Variants in TBC1D8 observed in about 807,000 individuals in gnomAD.
TBC1D8 encodes the protein BUB2-like protein 1.
A neutral mutation model predicts 118.8 loss-of-function variants in TBC1D8; 65 were observed. The ratio of observed to expected loss-of-function variants is 0.55; its 90% confidence interval spans 0.45 to 0.67. The LOEUF is 0.67. Ranked by LOEUF, TBC1D8 falls within the 30% of genes least tolerant of loss-of-function variation. TBC1D8 has a pLI of 0.00. For missense variants in TBC1D8, 1,376 were observed against 1,471.2 expected (o/e 0.94, Z 1.06); for synonymous variants, 566 against 595.8 (o/e 0.95, Z 0.73).
chr2:101,145,788 G>A (rs1000919971), intron 1 of TBC1D8, among the ~76,000 whole-genome samples: 1 of 152,202 alleles, frequency 6.6e-6, no homozygotes, highest in Non-Finnish European at 1.5e-5. Context: ...GTGGTGAGAG[G>A]AGCCGTGTGC....
intron 1 of TBC1D8, among the ~76,000 whole-genome samples, chr2:101,119,592 T>C (rs1255673326): frequency 6.6e-6 from 1 of 152,184 alleles, no homozygotes; most frequent in Non-Finnish European, 1.5e-5. Context: ...GAGTCTGATG[T>C]CATTGGTTTG....
chr2:101,033,146 C>G lies in TBC1D8; in HGVS notation c.1818+398G>C, dbSNP rs1262086503. Among the ~76,000 whole-genome samples, 11 of 148,508 alleles carry G rather than the reference C, an allele frequency of 7.4e-5. No individual in the cohort carries two copies. The East Asian group carries it at 2.0e-3, about 26-fold the overall frequency. Reference sequence around the variant, plus strand: ...AATTTTTTTTTTTTTGAGACAGAGTCTCGCTCTGTTGCCAGGCTGGAATGC... The same window carrying G: ...AATTTTTTTTTTTTTGAGACAGAGTGTCGCTCTGTTGCCAGGCTGGAATGC... On this transcript the variant is annotated intron_variant, in intron 10 of 19. Transcript: ENST00000409318.
At chr2:101,088,728 G>A (rs1243678472) in intron 2 of TBC1D8, among the ~76,000 whole-genome samples, 9 of 151,868 alleles carry the variant, frequency 5.9e-5, no homozygotes, top group African/African-American at 1.2e-4. Flanking sequence ...ACACCACCAC[G>A]CCCAGCTAAT....
intron 2 of TBC1D8, among the ~76,000 whole-genome samples, chr2:101,084,915 C>T (rs1444933087): frequency 1.4e-5 from 2 of 146,966 alleles, no homozygotes; most frequent in African/African-American, 5.1e-5. Context: ...GTGGCTCGAT[C>T]TCCGCTCACT....
At chr2:101,019,239 G>A in intron 17 of TBC1D8, 1 of 491,130 alleles carries the variant, frequency 2.0e-6, no homozygotes, top group South Asian at 4.5e-5. Flanking sequence ...CGACAGGCAA[G>A]TAATAAGACT....
intron 6 of TBC1D8, 150 bp from the exon 7 acceptor site, chr2:101,038,805 C>T: frequency 1.1e-6 from 1 of 878,896 alleles, no homozygotes; most frequent in Non-Finnish European, 1.8e-6. Flanking sequence ...CTGCTCACCC[C>T]CACCACAAGG....
intron 2 of TBC1D8, among the ~76,000 whole-genome samples, chr2:101,080,395 C>T (rs963668242): frequency 3.3e-5 from 5 of 152,086 alleles, no homozygotes; most frequent in Non-Finnish European, 2.9e-5. Flanking sequence ...TCCTTCGCTA[C>T]CCTGGTACAA....
rs557482855 is a variant in TBC1D8, at chr2:101,023,432, C to T, written c.2521-911G>A. On this transcript the variant is annotated intron_variant, in intron 15 of 19. Transcript: ENST00000409318. ...AAGTGCTGGGATTATAGGCATGAGC[C>T]ACTGCGACTGGCCCAAAATCATATT... 6.2e-4 allele frequency among the ~76,000 whole-genome samples: 94 copies of T among 152,152 alleles called. 1 individual carries two copies. The highest frequency in any genetic ancestry group is 2.2e-3 in the African/African-American group (92 of 41,522).
At chr2:101,118,525 T>C (rs553573082) in intron 1 of TBC1D8, among the ~76,000 whole-genome samples, 1 of 150,646 alleles carries the variant, frequency 6.6e-6, no homozygotes, top group South Asian at 2.1e-4. Flanking sequence ...TGAAACCCTG[T>C]CTCTACTAAA....
At chr2:101,054,672 C>CTTTTTTTTGTTTTTTTTTTTTTTTT (rs1682299718) in intron 3 of TBC1D8, among the ~76,000 whole-genome samples, 1 of 25,436 alleles carries the variant, frequency 3.9e-5, no homozygotes, top group East Asian at 1.5e-3. Flanking sequence ...CTTTTCTTTT[C>CTTTTTTTTGTTTTTTTTTTTTTTTT]TTTTTTTTTT....
chr2:101,025,708 G>A (rs947522920), intron 15 of TBC1D8, among the ~76,000 whole-genome samples: 1 of 152,172 alleles, frequency 6.6e-6, no homozygotes, highest in Non-Finnish European at 1.5e-5. Flanking sequence ...ATGCTCTCTA[G>A]AGCACAATAA....
chr2:101,043,976 C>G (rs1289501647), intron 5 of TBC1D8, among the ~76,000 whole-genome samples: 1 of 152,026 alleles, frequency 6.6e-6, no homozygotes, highest in South Asian at 2.1e-4. Context: ...AAGGTGCTCC[C>G]GTATCTGAGG....
intron 2 of TBC1D8, among the ~76,000 whole-genome samples, chr2:101,070,142 C>G (rs1224913466): frequency 6.6e-6 from 1 of 152,000 alleles, no homozygotes; most frequent in South Asian, 2.1e-4. Flanking sequence ...GTCTTGAACT[C>G]CTGACCTCAG....
intron 17 of TBC1D8, 27 bp from the exon 18 acceptor site, chr2:101,011,567 TAAA>T: frequency 1.9e-6 from 3 of 1,611,958 alleles, no homozygotes; most frequent in Non-Finnish European, 2.5e-6. Flanking sequence ...AGGTTTAAAT[TAAA>T]CAAATTTTCT....
rs1275450910 is a variant in TBC1D8 at position 101,040,178 on chromosome 2, C to T, written c.1080G>A (p.Glu360=). The change falls in exon 6 of 20, where the codon GAG becomes GAA. Residue 360 remains glutamate (E), a splice_region_variant and synonymous_variant. Coordinates refer to ENST00000409318, the MANE Select transcript of TBC1D8 (RefSeq NM_001330348.2). ...GCCKIILPLR[E]VVSIEKMEDT... is the part of the protein sequence containing the mutation. ...GAAGCAGACAGTAGGGCCAGTCTAC[C>T]TCTCTGAGTGGCAGGATGATCTTAC... 6.2e-7 allele frequency: 1 copy of T among 1,613,572 alleles called. No homozygotes were observed. The highest frequency in any genetic ancestry group is 8.5e-7 in the Non-Finnish European group (1 of 1,179,712).
chr2:101,010,959 T>TTTATC lies in TBC1D8; in HGVS notation c.2980_2984dup (p.Thr996IlefsTer10). 6.2e-7 allele frequency: 1 copy of TTTATC among 1,613,008 alleles called. No homozygotes were observed. Among genetic ancestry groups the TTTATC allele is most frequent in the Non-Finnish European group, 8.5e-7 (1 of 1,179,874 alleles). On this transcript the variant is annotated frameshift_variant, in exon 19 of 20. Coordinates refer to ENST00000409318, the MANE Select transcript of TBC1D8 (RefSeq NM_001330348.2). LOFTEE classifies it low-confidence loss of function (END_TRUNC). ...TCATTTTGGGCAATTCTTTCTCAGT[T>TTTATC]TTATCTTTTTCTTTGGCTAAATCCT...
intron 19 of TBC1D8, among the ~76,000 whole-genome samples, chr2:101,009,821 C>CTTTT (rs1553470780): frequency 7.5e-6 from 1 of 134,192 alleles, no homozygotes; most frequent in African/African-American, 2.7e-5. Context: ...AAAAAAGGAG[C>CTTTT]TTTTTCTTTT....
In TBC1D8 at chr2:101,054,095, A is replaced by C. The variant is rs1255149378; in HGVS notation, c.631+13T>G. ...CAACTTTATCTTGGAAGAGCCTGCC[A>C]GGCCTCACTTACGTTCCTTGCCCAG... On this transcript the variant is annotated intron_variant, in intron 4 of 19. Transcript: ENST00000409318. The C allele has an allele frequency of 6.2e-7, 1 of 1,600,904 alleles. No individual in the cohort carries two copies. The highest frequency in any genetic ancestry group is 8.5e-7 in the Non-Finnish European group (1 of 1,172,350).
At chr2:101,131,303 G>A (rs562647265) in intron 1 of TBC1D8, among the ~76,000 whole-genome samples, 61 of 152,076 alleles carry the variant, frequency 4.0e-4, no homozygotes, top group South Asian at 2.9e-3. Context: ...ACCTGAGGCC[G>A]GGAGTTTGTG....
Sources: allele counts gnomAD v4.1 joint callset (sites outside exome capture counted in the v4.1 genomes callset), GRCh38; gene constraint gnomAD v4.1.1; transcripts MANE v1.5; gene names NCBI Gene and HGNC (gene_info 2026-07-23, HGNC 2026-07-21).